ACAA2: variants seen among roughly 807,000 people sequenced by gnomAD.
ACAA2 encodes the protein 3-ketoacyl-CoA thiolase, mitochondrial.
In ACAA2, 35 loss-of-function variants were observed where a neutral mutation model predicts 44.8. The ratio of observed to expected loss-of-function variants is 0.78; its 90% CI spans 0.60 to 1.04. The LOEUF (loss-of-function observed/expected upper bound fraction) is 1.04. Ranked by LOEUF, ACAA2 falls within the 50% of genes least tolerant of loss-of-function variation. ACAA2 has a pLI of 0.00. For synonymous variants in ACAA2, 142 were observed against 166.5 expected, an observed-to-expected ratio of 0.85 and a Z score of 1.13; for missense variants, 468 against 482.6, an observed-to-expected ratio of 0.97 and a Z score of 0.28.
chr18:49,797,431 T>A (rs2023477653), intron 3 of ACAA2, 35 bp downstream of exon 3: 1 of 1,581,848 alleles, frequency 6.3e-7, no homozygotes, highest in African/African-American at 1.4e-5. Flanking sequence ...ACTATTAACA[T>A]ATTTTCAGAG....
rs543240417 is a variant in ACAA2 at position 49,805,157 on chromosome 18, C to T, written c.17-2304G>A. Among the ~76,000 whole-genome samples the T allele has an allele frequency of 1.7e-4, 26 of 152,262 alleles. No individual in the cohort carries two copies. The East Asian group carries it at 3.1e-3, about 18-fold the overall frequency. On this transcript the variant is annotated intron_variant, in intron 1 of 9. Coordinates refer to ENST00000285093, the MANE Select transcript of ACAA2 (RefSeq NM_006111.3). ...TCTTGTCAAGAAATTATGGGACTTT[C>T]GGCAATGGGTTTGTGATAAGATACT...
At chr18:49,784,998 G>A (rs2023311573) in intron 9 of ACAA2, among the ~76,000 whole-genome samples, 199 bp downstream of exon 9, 1 of 152,286 alleles carries the variant, frequency 6.6e-6, no homozygotes, top group Non-Finnish European at 1.5e-5. Context: ...TGGTTCTTAA[G>A]TGCAAAGCCA....
chr18:49,808,984 G>A (rs776472493), intron 1 of ACAA2, among the ~76,000 whole-genome samples: 9 of 152,006 alleles, frequency 5.9e-5, no homozygotes, highest in South Asian at 2.1e-4. Context: ...TATCTCAACC[G>A]CATAAGACAG....
intron 1 of ACAA2, among the ~76,000 whole-genome samples, chr18:49,810,724 G>A (rs1213660283): frequency 6.6e-6 from 1 of 151,598 alleles, no homozygotes; most frequent in Admixed American, 6.6e-5. Flanking sequence ...GTTTCACTCT[G>A]TCACCCAGGC....
chr18:49,791,124 T>C (rs2023393300), intron 7 of ACAA2, among the ~76,000 whole-genome samples: 1 of 152,224 alleles, frequency 6.6e-6, no homozygotes, highest in Non-Finnish European at 1.5e-5. Context: ...ATTTCTCCCA[T>C]CTCATAATTT....
chr18:49,807,024 C>T (rs967374232), intron 1 of ACAA2, among the ~76,000 whole-genome samples: 5 of 152,134 alleles, frequency 3.3e-5, no homozygotes, highest in African/African-American at 4.8e-5. Flanking sequence ...GAAAAAGGAT[C>T]GTCTTTCCAA....
chr18:49,812,159 C>T (rs183650478), intron 1 of ACAA2, among the ~76,000 whole-genome samples: 85 of 152,308 alleles, frequency 5.6e-4, no homozygotes, highest in Admixed American at 1.3e-3. Flanking sequence ...ATGAAATCCA[C>T]GTTGCAGGAA....
At chr18:49,808,468 C>A (rs2023633441) in intron 1 of ACAA2, among the ~76,000 whole-genome samples, 1 of 152,166 alleles carries the variant, frequency 6.6e-6, no homozygotes, top group South Asian at 2.1e-4. Context: ...GAACCCGCCC[C>A]CCAATATTTC....
rs2023275775 is a variant in ACAA2 at position 49,782,306 on chromosome 18, A to C, written c.*1541T>G. Reference sequence around the variant, plus strand: ...TGGACTTGCCTGTTGCCACTAGTCCATTATCCCAAACCGTGGGTAGGCCGC... The same window carrying C: ...TGGACTTGCCTGTTGCCACTAGTCCCTTATCCCAAACCGTGGGTAGGCCGC... On this transcript the variant is annotated 3_prime_UTR_variant, in exon 10 of 10. Transcript: ENST00000285093. The C allele has an allele frequency of 6.6e-6, 1 of 152,200 alleles. No homozygotes were observed. Among genetic ancestry groups the C allele is most frequent in the African/African-American group, 2.4e-5 (1 of 41,444 alleles). The allele number at this position is 152,200 out of a possible 1,614,324, so 9.4% of individuals were successfully genotyped here.
intron 9 of ACAA2, among the ~76,000 whole-genome samples, chr18:49,784,864 C>T (rs926723894): frequency 5.9e-5 from 9 of 151,966 alleles, no homozygotes; most frequent in African/African-American, 1.7e-4. Flanking sequence ...ATTTATTTTA[C>T]TCCTGTAACT....
chr18:49,783,171 TTATA>T lies in ACAA2; in HGVS notation c.*672_*675del. On this transcript the variant is annotated 3_prime_UTR_variant, in exon 10 of 10. Coordinates refer to ENST00000285093, the MANE Select transcript of ACAA2 (RefSeq NM_006111.3). ...ATAAGGTGGATGAATCTTGAGAACA[TTATA>T]TAAAGTAAAGTAAAATAAGCCAGTC... 1 of 152,258 alleles carries T rather than the reference TTATA, an allele frequency of 6.6e-6. No homozygotes were observed. 9.4% of individuals were successfully genotyped at this position (152,258 alleles called of 1,614,324 possible).
At chr18:49,804,188 G>C (rs1322688504) in intron 1 of ACAA2, among the ~76,000 whole-genome samples, 3 of 152,072 alleles carry the variant, frequency 2.0e-5, no homozygotes, top group Non-Finnish European at 2.9e-5. Context: ...TAGAATTACA[G>C]GCGTGAGTCA....
intron 5 of ACAA2, 106 bp downstream of exon 5, chr18:49,794,174 C>T: frequency 1.2e-6 from 1 of 849,886 alleles, no homozygotes. Context: ...TGTAATAATT[C>T]TTAAAGGTAT....
chr18:49,794,180 G>A, intron 5 of ACAA2, 100 bp downstream of exon 5: 1 of 860,968 alleles, frequency 1.2e-6, no homozygotes, highest in Non-Finnish European at 1.6e-6. Flanking sequence ...AATTCTTAAA[G>A]GTATGATTTG....
chr18:49,792,355 A>G (rs2023413344), intron 5 of ACAA2, 28 bp from the exon 6 acceptor site: 1 of 1,534,474 alleles, frequency 6.5e-7, no homozygotes, highest in South Asian at 1.2e-5. Context: ...GACTATCATA[A>G]GAATAAAAGA....
At chr18:49,790,777 T>A (rs1413956316) in intron 7 of ACAA2, among the ~76,000 whole-genome samples, 1 of 152,226 alleles carries the variant, frequency 6.6e-6, no homozygotes, top group Non-Finnish European at 1.5e-5. Flanking sequence ...GTTTATGGAC[T>A]TCCAAATTTT....
chr18:49,813,120 G>A (rs2023690219), intron 1 of ACAA2: 1 of 217,880 alleles, frequency 4.6e-6, no homozygotes, highest in Admixed American at 5.8e-5. Flanking sequence ...AGGCGCCCGC[G>A]GCCTATGGCG....
At chr18:49,804,487 A>G (rs1156815536) in intron 1 of ACAA2, among the ~76,000 whole-genome samples, 1 of 152,182 alleles carries the variant, frequency 6.6e-6, no homozygotes, top group Non-Finnish European at 1.5e-5. Context: ...GCTAACCTGT[A>G]AGTCCCCAAA....
chr18:49,788,029 C>T (rs2023354209), intron 7 of ACAA2, among the ~76,000 whole-genome samples: 1 of 152,170 alleles, frequency 6.6e-6, no homozygotes, highest in Non-Finnish European at 1.5e-5. Context: ...ATGTTTACAA[C>T]TCCAAGGGTA....
Sources: gnomAD v4.1 joint callset for allele counts (sites outside exome capture counted in the v4.1 genomes callset) on GRCh38, gnomAD v4.1.1 for gene constraint, MANE v1.5 for transcripts, NCBI Gene and HGNC (gene_info 2026-07-23, HGNC 2026-07-21) for gene names.